Variants in CSMD1 observed in about 807,000 individuals in gnomAD.
The protein encoded by CSMD1 is CUB and sushi domain-containing protein 1.
A neutral mutation model predicts 417.5 loss-of-function variants in CSMD1; 213 were observed. The observed-to-expected ratio is 0.51, with a 90% CI of 0.46 to 0.57. CSMD1 has a LOEUF of 0.57. Among genes scored for constraint, CSMD1 ranks in the 20% least tolerant of loss-of-function variants. The pLI, the probability that CSMD1 is intolerant of heterozygous loss-of-function variation, is 0.00. For missense variants in CSMD1, 6,923 were observed against 4,529.7 expected (o/e 1.53, Z -15.17); for synonymous variants, 2,862 against 1,736.8 (o/e 1.65, Z -16.11).
chr8:3,902,289 C>G (rs2129134256), intron 5 of CSMD1, among the ~76,000 whole-genome samples: 1 of 152,266 alleles, frequency 6.6e-6, no homozygotes, highest in Admixed American at 6.5e-5. Flanking sequence ...TCACCCATTA[C>G]TGTCAAATCC....
intron 26 of CSMD1, among the ~76,000 whole-genome samples, chr8:3,251,406 C>G (rs955320430): frequency 1.3e-5 from 2 of 152,120 alleles, no homozygotes; most frequent in Non-Finnish European, 1.5e-5. Flanking sequence ...GGGCTCTGTT[C>G]TGTTGCATTG....
chr8:3,736,482 T>G (rs961983536), intron 6 of CSMD1, among the ~76,000 whole-genome samples: 1 of 152,134 alleles, frequency 6.6e-6, no homozygotes, highest in Admixed American at 6.5e-5. Flanking sequence ...TGGGCTGAAG[T>G]GATCCTCCCT....
At chr8:2,997,985 G>C in intron 54 of CSMD1, 26 bp downstream of exon 54, 1 of 1,605,356 alleles carries the variant, frequency 6.2e-7, no homozygotes, top group African/African-American at 1.3e-5. Context: ...CAGAGCAAAG[G>C]GCTCATTCCT....
rs576809243 is a variant in CSMD1, at chr8:4,325,573, G to A, written c.415+94380C>T. Among the ~76,000 whole-genome samples the A allele has an allele frequency of 4.7e-4, 71 of 152,170 alleles. 1 individual carries two copies. Among genetic ancestry groups the A allele is most frequent in the Middle Eastern group, 3.4e-3 (1 of 294 alleles). ...GCATGCCTACCTTGTTAGCTTTTCC[G>A]GTGAGGTAAGAATTATTATAGTAGG... is the stretch of plus-strand genomic sequence containing the variant. On this transcript the variant is annotated intron_variant, in intron 3 of 69. Coordinates refer to ENST00000635120, the MANE Select transcript of CSMD1 (RefSeq NM_033225.6).
chr8:4,947,967 A>T (rs1369692002), intron 1 of CSMD1, among the ~76,000 whole-genome samples: 5 of 151,920 alleles, frequency 3.3e-5, no homozygotes. Context: ...TCTTTTTTTA[A>T]GATATCCATA....
rs958301697 is a variant in CSMD1 at position 3,106,446 on chromosome 8, C to A, written c.6949+82G>T. On this transcript the variant is annotated intron_variant, in intron 46 of 69. Transcript: ENST00000635120. The stretch of plus-strand genomic sequence containing the variant: ...ACAAATAAATAAGTTCACATCTATA[C>A]AAAGAAATGCAGACCAATACAAACA... 3.7e-6 allele frequency: 3 copies of A among 800,156 alleles called. No homozygotes were observed. In the South Asian group the frequency reaches 5.8e-5, roughly 15 times the overall value. The allele number at this position is 800,156 out of a possible 1,614,324, so 49.6% of individuals were successfully genotyped here. A position where few individuals can be genotyped will look rare whatever the true frequency, so the allele number is the denominator to read the frequency against.
At chr8:4,445,008 G>A (rs1179982978) in intron 2 of CSMD1, among the ~76,000 whole-genome samples, 2 of 152,132 alleles carry the variant, frequency 1.3e-5, no homozygotes, top group Non-Finnish European at 1.5e-5. Flanking sequence ...TGATTTTCAG[G>A]TGTTAAAATG....
At chr8:3,239,513 G>C (rs991697217) in intron 26 of CSMD1, among the ~76,000 whole-genome samples, 2 of 152,212 alleles carry the variant, frequency 1.3e-5, no homozygotes, top group East Asian at 3.9e-4. Flanking sequence ...GTTGAGTAAA[G>C]CTAATTTGCC....
At chr8:3,719,291 G>A (rs1314719884) in intron 6 of CSMD1, among the ~76,000 whole-genome samples, 2 of 152,034 alleles carry the variant, frequency 1.3e-5, no homozygotes, top group East Asian at 1.9e-4. Context: ...AAAGGCCACT[G>A]CCCTAGAGGC....
At chr8:4,420,177 T>C (rs1797168146) in intron 2 of CSMD1, 112 bp from the exon 3 acceptor site, 2 of 656,876 alleles carry the variant, frequency 3.0e-6, no homozygotes, top group East Asian at 2.9e-5. Context: ...ACTTGAAATA[T>C]GGCATTAAAC....
At chr8:3,026,762 A>G (rs959785036) in intron 51 of CSMD1, among the ~76,000 whole-genome samples, 1 of 152,232 alleles carries the variant, frequency 6.6e-6, no homozygotes, top group Admixed American at 6.5e-5. Flanking sequence ...GCACGTGGTG[A>G]CTAGTTATGC....
At chr8:4,575,452 G>C (rs903689326) in intron 2 of CSMD1, among the ~76,000 whole-genome samples, 2 of 152,150 alleles carry the variant, frequency 1.3e-5, no homozygotes, top group South Asian at 4.1e-4. Flanking sequence ...CATCCGGCAG[G>C]TCATTAATTT....
At chr8:3,842,154 C>G (rs1230556038) in intron 5 of CSMD1, among the ~76,000 whole-genome samples, 1 of 152,178 alleles carries the variant, frequency 6.6e-6, no homozygotes, top group Non-Finnish European at 1.5e-5. Context: ...CAAACAACCT[C>G]AGGTTTTCTT....
intron 5 of CSMD1, among the ~76,000 whole-genome samples, chr8:3,907,902 C>A (rs190837549): frequency 1.2e-3 from 189 of 152,282 alleles, no homozygotes; most frequent in Non-Finnish European, 2.1e-3. Context: ...TTCAGGGATT[C>A]TTGTCCTCTG....
In CSMD1 at chr8:4,075,720, C is replaced by T. The variant is rs200052673; in HGVS notation, c.416-43621G>A. On this transcript the variant is annotated intron_variant, in intron 3 of 69. Transcript: ENST00000635120. ...AGATATAAAATTGTCAATGTAGAAA[C>T]GGTTTGCATGTTCTCAGGTTGTGTG... is the stretch of plus-strand genomic sequence containing the variant. 3.3e-5 allele frequency among the ~76,000 whole-genome samples: 5 copies of T among 152,168 alleles called. No individual in the cohort carries two copies. The East Asian group carries it at 5.8e-4, about 18-fold the overall frequency.
chr8:3,043,345 A>C (rs12334604), intron 50 of CSMD1, among the ~76,000 whole-genome samples: 1 of 146,142 alleles, frequency 6.8e-6, no homozygotes. Flanking sequence ...TATACATATA[A>C]CGATATATAC....
Position 4,065,030 on chromosome 8 carries a change from C to G in CSMD1, c.416-32931G>C, listed in dbSNP as rs534922662. Among the ~76,000 whole-genome samples the G allele has an allele frequency of 2.6e-5, 4 of 152,060 alleles. No homozygotes were observed. The South Asian group carries it at 8.3e-4, about 32-fold the overall frequency. On this transcript the variant is annotated intron_variant, in intron 3 of 69. Coordinates refer to ENST00000635120, the MANE Select transcript of CSMD1 (RefSeq NM_033225.6). ...TAAGTTGTTCATTTTTAAAAAAAATCTGAAATGATTAAAATGTGCTAAAAA... is the reference window on the plus strand; with the variant it reads ...TAAGTTGTTCATTTTTAAAAAAAATGTGAAATGATTAAAATGTGCTAAAAA...
chr8:3,229,964 A>T (rs1484442291), intron 27 of CSMD1, 76 bp downstream of exon 27: 15 of 1,000,260 alleles, frequency 1.5e-5, no homozygotes, highest in Non-Finnish European at 2.2e-5. Context: ...AAGAAATAAT[A>T]CATTTACGGA....
At chr8:3,778,279 G>C (rs1346080990) in intron 5 of CSMD1, among the ~76,000 whole-genome samples, 5 of 152,220 alleles carry the variant, frequency 3.3e-5, no homozygotes, top group South Asian at 2.1e-4. Flanking sequence ...TTGCCTGTCA[G>C]TAGTTTACCA....
Sources: gnomAD v4.1 joint callset for allele counts (sites outside exome capture counted in the v4.1 genomes callset) on GRCh38, gnomAD v4.1.1 for gene constraint, MANE v1.5 for transcripts, NCBI Gene and HGNC (gene_info 2026-07-23, HGNC 2026-07-21) for gene names.